The following RNLS variants were observed in gnomAD, a reference collection of about 807,000 sequenced individuals.
The protein encoded by RNLS is renalase, FAD dependent amine oxidase, also known as renalase.
In RNLS, 39 loss-of-function variants were observed where a neutral mutation model predicts 39.8. The observed-to-expected ratio is 0.98, with a 90% CI of 0.76 to 1.28. The LOEUF (loss-of-function observed/expected upper bound fraction) is 1.28. Ranked by LOEUF, RNLS falls within the 50% of genes most tolerant of loss-of-function variation. The pLI is 0.00. For synonymous variants in RNLS, 147 were observed against 150.7 expected (o/e 0.98, Z 0.18); for missense variants, 410 against 413.3 (o/e 0.99, Z 0.07).
intron 5 of RNLS, among the ~76,000 whole-genome samples, chr10:88,355,028 C>T (rs996860428): frequency 3.3e-5 from 5 of 152,312 alleles, no homozygotes; most frequent in East Asian, 1.9e-4. Flanking sequence ...CTTGTGCATT[C>T]GTCACGTAGT....
chr10:88,311,743 TA>T (rs1845398837), intron 6 of RNLS, among the ~76,000 whole-genome samples: 2 of 152,188 alleles, frequency 1.3e-5, no homozygotes. Context: ...AGGCATTCAT[TA>T]AACGCTTATT....
intron 4 of RNLS, among the ~76,000 whole-genome samples, chr10:88,527,790 GAA>G (rs1459285917): frequency 1.4e-5 from 2 of 147,794 alleles, no homozygotes; most frequent in Non-Finnish European, 3.0e-5. Flanking sequence ...ACACCAAAAG[GAA>G]AAAGACTCAA....
the RNLS span, among the ~76,000 whole-genome samples, chr10:88,241,677 C>T: frequency 6.6e-6 from 1 of 152,108 alleles, no homozygotes; most frequent in South Asian, 2.1e-4. Flanking sequence ...TTTTAAAAAC[C>T]TATCAGTGGC....
chr10:88,318,439 G>C (rs1377735743), intron 5 of RNLS, among the ~76,000 whole-genome samples: 5 of 152,248 alleles, frequency 3.3e-5, no homozygotes, highest in African/African-American at 1.2e-4. Context: ...TGTTGAGGAT[G>C]CAGTAGTGGT....
At chr10:88,311,621 A>G (rs985067593) in intron 6 of RNLS, among the ~76,000 whole-genome samples, 1 of 152,318 alleles carries the variant, frequency 6.6e-6, no homozygotes, top group East Asian at 1.9e-4. Context: ...TAGCACCCAC[A>G]AGAATGCACC....
chr10:88,202,222 C>T, the RNLS span, among the ~76,000 whole-genome samples: 5 of 146,848 alleles, frequency 3.4e-5, no homozygotes, highest in African/African-American at 5.1e-5. Context: ...ACCGCATGTT[C>T]GCACTCATAG....
the RNLS span, among the ~76,000 whole-genome samples, chr10:88,238,489 T>A: frequency 6.6e-6 from 1 of 152,354 alleles, no homozygotes; most frequent in African/African-American, 2.4e-5. Context: ...GGCTGATGGA[T>A]GTGAGGGGCT....
intron 4 of RNLS, among the ~76,000 whole-genome samples, chr10:88,385,452 G>A (rs1048002296): frequency 1.3e-5 from 2 of 152,122 alleles, no homozygotes; most frequent in African/African-American, 2.4e-5. Context: ...TATTAAACCC[G>A]GCAGCCTAGA....
chr10:88,315,811 C>T (rs1206836872), intron 5 of RNLS, among the ~76,000 whole-genome samples: 1 of 149,668 alleles, frequency 6.7e-6, no homozygotes, highest in African/African-American at 2.5e-5. Context: ...AGTTAGTAGC[C>T]ACCACATAGG....
At chr10:88,491,803 T>A (rs1844893560) in intron 4 of RNLS, among the ~76,000 whole-genome samples, 1 of 152,110 alleles carries the variant, frequency 6.6e-6, no homozygotes, top group Non-Finnish European at 1.5e-5. Flanking sequence ...TAATTATCAC[T>A]GATAAAAGAT....
At chr10:88,529,730 T>A (rs1722480645) in intron 4 of RNLS, among the ~76,000 whole-genome samples, 1 of 152,170 alleles carries the variant, frequency 6.6e-6, no homozygotes, top group African/African-American at 2.4e-5. Context: ...ATTCCAAACA[T>A]ATGAAAAGAA....
chr10:88,446,824 T>C (rs1842061608), intron 4 of RNLS, among the ~76,000 whole-genome samples: 1 of 152,226 alleles, frequency 6.6e-6, no homozygotes, highest in African/African-American at 2.4e-5. Context: ...CATGATCAAG[T>C]GGGCTTCACC....
the RNLS span, among the ~76,000 whole-genome samples, chr10:88,177,792 C>T: frequency 6.6e-6 from 1 of 152,280 alleles, no homozygotes; most frequent in East Asian, 1.9e-4. Flanking sequence ...GTTGCTCTGG[C>T]TTTGATGCTA....
chr10:88,460,606 C>T, intron 4 of RNLS, among the ~76,000 whole-genome samples: 1 of 152,142 alleles, frequency 6.6e-6, no homozygotes, highest in East Asian at 1.9e-4. Context: ...CAAGAGCATT[C>T]CTATATTGCT....
chr10:88,254,398 G>T, the RNLS span, among the ~76,000 whole-genome samples: 18 of 152,340 alleles, frequency 1.2e-4, no homozygotes, highest in African/African-American at 3.8e-4. Context: ...TTCTTTTTGG[G>T]TAGCTGAACC....
At chr10:88,555,966 A>G (rs1476864707) in intron 4 of RNLS, among the ~76,000 whole-genome samples, 1 of 152,106 alleles carries the variant, frequency 6.6e-6, no homozygotes, top group Non-Finnish European at 1.5e-5. Context: ...TTTCAAATAT[A>G]TCTCTCCAGC....
At chr10:88,515,061 A>G (rs1564863550) in intron 4 of RNLS, among the ~76,000 whole-genome samples, 1 of 151,558 alleles carries the variant, frequency 6.6e-6, no homozygotes, top group East Asian at 1.9e-4. Context: ...TAATGGCTAC[A>G]TTTTTTTTCT....
intron 4 of RNLS, among the ~76,000 whole-genome samples, chr10:88,561,835 A>T (rs1033672969): frequency 4.6e-5 from 7 of 152,154 alleles, no homozygotes; most frequent in African/African-American, 1.4e-4. Flanking sequence ...AAATGCTCAT[A>T]AAAAACAAAT....
chr10:88,271,744 G>C (rs1286536264), downstream of RNLS, among the ~76,000 whole-genome samples: 2 of 152,106 alleles, frequency 1.3e-5, no homozygotes, highest in Non-Finnish European at 2.9e-5. Flanking sequence ...ATATGGTTTT[G>C]ACCTGATATG....
Sources: gnomAD v4.1 joint callset for allele counts (sites outside exome capture counted in the v4.1 genomes callset) on GRCh38, gnomAD v4.1.1 for gene constraint, MANE v1.5 for transcripts, NCBI Gene and HGNC (gene_info 2026-07-23, HGNC 2026-07-21) for gene names.